The following EEF1AKMT3 variants were observed in gnomAD, a reference collection of about 807,000 sequenced individuals.
EEF1AKMT3 encodes the protein EEF1A lysine methyltransferase 3.
EEF1AKMT3 carries 17 observed loss-of-function variants against 17.8 expected under a neutral mutation model. The ratio of observed to expected loss-of-function variants is 0.96; its 90% CI spans 0.65 to 1.43. EEF1AKMT3 has a LOEUF of 1.43. Ranked by LOEUF, EEF1AKMT3 falls within the 40% of genes most tolerant of loss-of-function variation. The probability of loss-of-function intolerance (pLI) is 0.00; values close to 1 mark genes in which losing one functional copy is unlikely to be tolerated. For synonymous variants in EEF1AKMT3, 116 were observed against 126.5 expected (o/e 0.92, Z 0.56); for missense variants, 244 against 285.8 (o/e 0.85, Z 1.06).
At chr12:57,777,007 A>T (rs917690981) in intron 2 of EEF1AKMT3, among the ~76,000 whole-genome samples, 3 of 152,154 alleles carry the variant, frequency 2.0e-5, no homozygotes, top group African/African-American at 7.2e-5. Context: ...ATATATTTTT[A>T]TCACAACATC....
In EEF1AKMT3 at chr12:57,780,502, C is replaced by G; in HGVS notation, c.537C>G (p.Ala179=). The G allele has an allele frequency of 6.2e-7, 1 of 1,614,196 alleles. No individual in the cohort carries two copies. Among genetic ancestry groups the G allele is most frequent in the Non-Finnish European group, 8.5e-7 (1 of 1,180,022 alleles). The change falls in exon 3 of 3, where the codon GCC becomes GCG. Residue 179 remains alanine, a synonymous_variant. Transcript: ENST00000300209. ...GGCCCCATGGCACCATCTATCTGGC[C>G]TCCAAGATGAGAAAGGAGCATGGGA... The part of the protein sequence containing the change: ...LCRPHGTIYL[A]SKMRKEHGTE...
In EEF1AKMT3 at chr12:57,781,666, T is replaced by C. The variant is rs951634906; in HGVS notation, c.*1020T>C. ...CTAAGTTCTTTTCATCTTTGATTTT[T>C]CTTTAGCTTCATCAGTCCTTCCTTC... On this transcript the variant is annotated 3_prime_UTR_variant, in exon 3 of 3. Coordinates refer to ENST00000300209, the MANE Select transcript of EEF1AKMT3 (RefSeq NM_015433.3). 1 of 152,248 alleles carries C rather than the reference T, an allele frequency of 6.6e-6. No individual in the cohort carries two copies. Among genetic ancestry groups the C allele is most frequent in the Non-Finnish European group, 1.5e-5 (1 of 68,058 alleles). 9.4% of individuals were successfully genotyped at this position (152,248 alleles called of 1,614,324 possible). A position where few individuals can be genotyped will look rare whatever the true frequency, so the allele number is the denominator to read the frequency against.
In EEF1AKMT3 at chr12:57,773,428, A is replaced by T. The variant is rs1392242766; in HGVS notation, c.289+300A>T. 9.4e-5 allele frequency among the ~76,000 whole-genome samples: 14 copies of T among 149,200 alleles called. 1 individual carries two copies. The South Asian group carries it at 1.9e-3, about 21-fold the overall frequency. On this transcript the variant is annotated intron_variant, in intron 2 of 2. Coordinates refer to ENST00000300209, the MANE Select transcript of EEF1AKMT3 (RefSeq NM_015433.3). The stretch of plus-strand genomic sequence containing the variant: ...TCGTGTTGCTTTTTTTTTGTTTTTA[A>T]TTTTTTTTGTTTTTTTGAGACGGAG...
Position 57,773,116 on chromosome 12 carries a change from G to A in EEF1AKMT3, c.277G>A (p.Ala93Thr). The change falls in exon 2 of 3, where the codon GCA (alanine) becomes ACA (threonine). Residue 93 changes from alanine (A) to threonine (T), a missense_variant. Physicochemically the swap from Ala to Thr is moderately conservative, Grantham distance 58. Transcript: ENST00000300209. ...GGGGACAGGCATCGTGGGGATCTTG[G>A]CAGCGCTGCAGGGTGCGTGAGCTGG... ...GAGTGIVGIL[A>T]ALQGGDVTIT... 2 of 1,614,168 alleles carry A rather than the reference G, an allele frequency of 1.2e-6. No individual in the cohort carries two copies. Among genetic ancestry groups the A allele is most frequent in the South Asian group, 2.2e-5 (2 of 91,076 alleles).
rs948648296 is a variant in EEF1AKMT3, at chr12:57,782,531, T to C, written c.*1885T>C. ...ATGCGCATTGAAAATAAACATAAAA[T>C]GTTACCCACATTTCTTGTGTTGTTG... On this transcript the variant is annotated 3_prime_UTR_variant, in exon 3 of 3. Transcript: ENST00000300209. 1.4e-5 allele frequency: 7 copies of C among 483,604 alleles called. No individual in the cohort carries two copies. Among genetic ancestry groups the C allele is most frequent in the African/African-American group, 1.2e-4 (6 of 51,076 alleles). The allele number at this position is 483,604 out of a possible 1,614,324, so 30.0% of individuals were successfully genotyped here.
chr12:57,780,389 G>A lies in EEF1AKMT3; in HGVS notation c.424G>A (p.Ala142Thr). The A allele has an allele frequency of 6.2e-7, 1 of 1,614,228 alleles. No individual in the cohort carries two copies. The highest frequency in any genetic ancestry group is 8.5e-7 in the Non-Finnish European group (1 of 1,180,050). Residue 142 changes from alanine (A) to threonine (T), a missense_variant, in exon 3 of 3, where the codon GCA becomes ACA. Coordinates refer to ENST00000300209, the MANE Select transcript of EEF1AKMT3 (RefSeq NM_015433.3). ...GGGGATTGACCATCATGTCTTCCCTGCAAACTATGACCTGGTGCTGGGGGC... is the reference window on the plus strand; with the variant it reads ...GGGGATTGACCATCATGTCTTCCCTACAAACTATGACCTGGTGCTGGGGGC... ...SWGIDHHVFP[A>T]NYDLVLGADI...
intron 2 of EEF1AKMT3, among the ~76,000 whole-genome samples, chr12:57,777,741 C>T (rs1225681301): frequency 2.0e-5 from 3 of 152,160 alleles, no homozygotes; most frequent in Non-Finnish European, 4.4e-5. Context: ...CTGTTGAAGC[C>T]GGACGCGGTG....
rs560895416 is a variant in EEF1AKMT3 at position 57,780,547 on chromosome 12, C to T, written c.582C>T (p.His194=). 1.5e-5 allele frequency: 25 copies of T among 1,614,056 alleles called. No individual in the cohort carries two copies. Among genetic ancestry groups the T allele is most frequent in the Admixed American group, 3.3e-5 (2 of 60,006 alleles). The change falls in exon 3 of 3, where the codon CAC becomes CAT. Residue 194 remains histidine (H), a synonymous_variant. Coordinates refer to ENST00000300209, the MANE Select transcript of EEF1AKMT3 (RefSeq NM_015433.3). ...KEHGTESFFQ[H]LLPQHFQLEL... is the part of the protein sequence containing the mutation. ...ATGGGACAGAGAGCTTCTTTCAGCA[C>T]CTCCTGCCCCAGCATTTCCAACTGG... is the stretch of plus-strand genomic sequence containing the variant.
chr12:57,775,785 T>C (rs2140408069), intron 2 of EEF1AKMT3, among the ~76,000 whole-genome samples: 1 of 152,272 alleles, frequency 6.6e-6, no homozygotes, highest in African/African-American at 2.4e-5. Context: ...ACCAAACACA[T>C]TTCTCCCTCA....
At position 57,781,811 on chromosome 12, in the gene EEF1AKMT3, G is replaced by A. The variant is rs1017146139; in HGVS notation, c.*1165G>A. The A allele has an allele frequency of 3.3e-5, 5 of 152,076 alleles. No individual in the cohort carries two copies. The highest frequency in any genetic ancestry group is 1.2e-4 in the African/African-American group (5 of 41,368). 9.4% of individuals were successfully genotyped at this position (152,076 alleles called of 1,614,324 possible). ...TCTTTACTTACTGCTTAGGCACATA[G>A]TCACCTTCTCTGGACTCCCTGCTTC... On this transcript the variant is annotated 3_prime_UTR_variant, in exon 3 of 3. Coordinates refer to ENST00000300209, the MANE Select transcript of EEF1AKMT3 (RefSeq NM_015433.3).
At chr12:57,775,412 C>T in intron 2 of EEF1AKMT3, among the ~76,000 whole-genome samples, 1 of 148,390 alleles carries the variant, frequency 6.7e-6, no homozygotes, top group Non-Finnish European at 1.5e-5. Context: ...GACAGAGTCT[C>T]ACTCTGTCAC....
At chr12:57,774,436 C>T (rs984585922) in intron 2 of EEF1AKMT3, among the ~76,000 whole-genome samples, 1 of 152,174 alleles carries the variant, frequency 6.6e-6, no homozygotes, top group Admixed American at 6.5e-5. Flanking sequence ...ACTGAGATCG[C>T]ACCATTGCAC....
At chr12:57,778,621 C>T (rs1457587063) in intron 2 of EEF1AKMT3, among the ~76,000 whole-genome samples, 1 of 151,584 alleles carries the variant, frequency 6.6e-6, no homozygotes, top group Non-Finnish European at 1.5e-5. Flanking sequence ...CCAAGCTTTT[C>T]TCTCTCTCTC....
chr12:57,775,616 A>G (rs1366946591), intron 2 of EEF1AKMT3, among the ~76,000 whole-genome samples: 1 of 152,186 alleles, frequency 6.6e-6, no homozygotes, highest in Non-Finnish European at 1.5e-5. Context: ...TCCTGGCCTC[A>G]AGTGATCTGG....
intron 2 of EEF1AKMT3, among the ~76,000 whole-genome samples, chr12:57,775,391 T>C (rs1955474377): frequency 6.6e-6 from 1 of 151,408 alleles, no homozygotes; most frequent in South Asian, 2.1e-4. Context: ...TTTTTTTTTT[T>C]TCCTTTTTGA....
rs1019116260 is a variant in EEF1AKMT3, at chr12:57,775,105, C to CAA, written c.289+2003_289+2004dup. ...GAGCAACAAGAGTGAAACGCCATCT[C>CAA]AAAAAAAAAAAAAAAAAAAAAAAAA... On this transcript the variant is annotated intron_variant, in intron 2 of 2. Transcript: ENST00000300209. 1.8e-3 allele frequency among the ~76,000 whole-genome samples: 60 copies of CAA among 33,610 alleles called. 1 individual carries two copies. The highest frequency in any genetic ancestry group is 2.6e-3 in the South Asian group (2 of 784). 22.0% of individuals were successfully genotyped at this position (33,610 alleles called of 152,430 possible).
rs1565815951 is a variant in EEF1AKMT3 at position 57,773,067 on chromosome 12, CAAG to C, written c.232_234del (p.Lys78del). On this transcript the variant is annotated inframe_deletion, in exon 2 of 3. Coordinates refer to ENST00000300209, the MANE Select transcript of EEF1AKMT3 (RefSeq NM_015433.3). ...AGAGTCAAAATGTGGATTTCCGAGG[CAAG>C]AAGGTGATCGAACTGGGTGCGGGGA... 1.9e-6 allele frequency: 3 copies of C among 1,614,144 alleles called. No individual in the cohort carries two copies. The highest frequency in any genetic ancestry group is 2.2e-5 in the East Asian group (1 of 44,868).
Position 57,772,837 on chromosome 12 carries a change from A to G in EEF1AKMT3, c.113A>G (p.His38Arg). The change falls in exon 1 of 3, where the codon CAT becomes CGT. Residue 38 changes from histidine to arginine, a missense_variant. By Grantham distance (29) the His-to-Arg change is conservative. Transcript: ENST00000300209. This position sits in a 1 kb window ranked among gnomAD's most constrained non-coding sequence, Gnocchi z 4.1. ...SEKSQFCFCG[H>R]VLTITQNFGS... ...AAGAGCCAGTTCTGTTTCTGTGGGC[A>G]TGTGCTGACCATCACGCAGAACTTT... The G allele has an allele frequency of 6.2e-7, 1 of 1,614,144 alleles. No individual in the cohort carries two copies. The highest frequency in any genetic ancestry group is 8.5e-7 in the Non-Finnish European group (1 of 1,179,992).
intron 2 of EEF1AKMT3, among the ~76,000 whole-genome samples, chr12:57,776,636 C>T (rs979080524): frequency 6.6e-6 from 1 of 151,758 alleles, no homozygotes; most frequent in Non-Finnish European, 1.5e-5. Context: ...TGTTTCCTAT[C>T]TCTTTATTTT....
Sources: allele counts gnomAD v4.1 joint callset (sites outside exome capture counted in the v4.1 genomes callset), GRCh38; gene constraint gnomAD v4.1.1; non-coding constraint Gnocchi (gnomAD v3.1); transcripts MANE v1.5; gene names NCBI Gene and HGNC (gene_info 2026-07-23, HGNC 2026-07-21).